PGAP3: variants seen among roughly 807,000 people sequenced by gnomAD.
PGAP3 encodes the protein GPI-specific phospholipase A2-like PGAP3.
In PGAP3, 31 loss-of-function variants were observed where a neutral mutation model predicts 40.3. That is an observed-to-expected ratio of 0.77 (90% CI 0.58 to 1.04). PGAP3 has a LOEUF of 1.04. Among genes scored for constraint, PGAP3 ranks in the 50% least tolerant of loss-of-function variants. The probability of loss-of-function intolerance (pLI) is 0.00; values close to 1 mark genes in which losing one functional copy is unlikely to be tolerated. For missense variants in PGAP3, 413 were observed against 423.0 expected, an observed-to-expected ratio of 0.98 and a Z score of 0.21; for synonymous variants, 191 against 184.5, an observed-to-expected ratio of 1.04 and a Z score of -0.29.
chr17:39,679,813 A>G (rs1008879005), intron 3 of PGAP3, among the ~76,000 whole-genome samples: 5 of 152,078 alleles, frequency 3.3e-5, no homozygotes, highest in Non-Finnish European at 4.4e-5. Context: ...CACAGCTACA[A>G]TGGGGCCAAG....
intron 4 of PGAP3, 55 bp from the exon 5 acceptor site, chr17:39,674,109 C>T (rs367951878): frequency 3.3e-4 from 514 of 1,563,420 alleles, no homozygotes; most frequent in Non-Finnish European, 4.3e-4. Flanking sequence ...GGAGAGGACC[C>T]GCGGGGATGG....
intron 3 of PGAP3, among the ~76,000 whole-genome samples, chr17:39,681,210 C>G (rs1399716201): frequency 6.6e-6 from 1 of 152,152 alleles, no homozygotes; most frequent in Non-Finnish European, 1.5e-5. Flanking sequence ...TCATCCCTTA[C>G]TGCTCTTTCC....
At chr17:39,682,170 G>T (rs2057449165) in intron 3 of PGAP3, among the ~76,000 whole-genome samples, 1 of 140,630 alleles carries the variant, frequency 7.1e-6, no homozygotes, top group South Asian at 2.3e-4. Context: ...AGCTTGCAGT[G>T]GGCCAAGATG....
At chr17:39,687,724 TAA>T (rs2057578519) in intron 1 of PGAP3, 108 bp downstream of exon 1, 1 of 861,648 alleles carries the variant, frequency 1.2e-6, no homozygotes, top group African/African-American at 1.8e-5. Context: ...CTCACATTCA[TAA>T]GAGACCTCGT....
chr17:39,674,601 C>T lies in PGAP3; in HGVS notation c.495+16G>A. The stretch of plus-strand genomic sequence containing the variant: ...GGACCACCCTGTGCAGGAGGGGGAG[C>T]TGGAGGAATGCTCACCTCTGTGAGG... On this transcript the variant is annotated intron_variant, in intron 4 of 7. Transcript: ENST00000300658. 6.5e-7 allele frequency: 1 copy of T among 1,548,806 alleles called. No individual in the cohort carries two copies. Among genetic ancestry groups the T allele is most frequent in the African/African-American group, 1.4e-5 (1 of 73,092 alleles).
Position 39,680,743 on chromosome 17 carries a change from C to G in PGAP3, c.432+3854G>C, listed in dbSNP as rs529883679. Among the ~76,000 whole-genome samples the G allele has an allele frequency of 3.3e-5, 5 of 152,354 alleles. No homozygotes were observed. In the South Asian group the frequency reaches 1.0e-3, roughly 32 times the overall value. On this transcript the variant is annotated intron_variant, in intron 3 of 7. Coordinates refer to ENST00000300658, the MANE Select transcript of PGAP3 (RefSeq NM_033419.5). ...CCTTCTGTCTCTGTGTCTGGCTCAT[C>G]TTCCTTTAGCCAGCCATTACATTTT...
At chr17:39,679,236 T>C (rs1349001266) in intron 3 of PGAP3, among the ~76,000 whole-genome samples, 1 of 152,146 alleles carries the variant, frequency 6.6e-6, no homozygotes, top group East Asian at 1.9e-4. Flanking sequence ...TGAGCCACCA[T>C]GCCCGGCCAT....
intron 7 of PGAP3, 38 bp from the exon 8 acceptor site, chr17:39,672,904 T>C: frequency 6.2e-7 from 1 of 1,606,688 alleles, no homozygotes; most frequent in Non-Finnish European, 8.5e-7. Context: ...GGCACACAGC[T>C]CTGACAGCTC....
chr17:39,674,970 G>GT (rs1383473448), intron 3 of PGAP3, among the ~76,000 whole-genome samples: 2 of 152,174 alleles, frequency 1.3e-5, no homozygotes, highest in Non-Finnish European at 2.9e-5. Context: ...AAGCTCCCTA[G>GT]TTACTCAATT....
chr17:39,685,833 T>G (rs976713927), intron 2 of PGAP3, 89 bp downstream of exon 2: 2 of 1,226,656 alleles, frequency 1.6e-6, no homozygotes, highest in Admixed American at 3.9e-5. Context: ...ACCCCATGCC[T>G]CAGACTGCTT....
chr17:39,683,389 C>A (rs2057466978), intron 3 of PGAP3, among the ~76,000 whole-genome samples: 1 of 152,194 alleles, frequency 6.6e-6, no homozygotes, highest in South Asian at 2.1e-4. Context: ...CCCTGATGGC[C>A]CCATGCTGGT....
intron 3 of PGAP3, among the ~76,000 whole-genome samples, chr17:39,677,608 G>C (rs766336964): frequency 3.3e-5 from 5 of 152,206 alleles, no homozygotes; most frequent in African/African-American, 4.8e-5. Flanking sequence ...CAAGTGAAGG[G>C]GGGCAGGGAG....
intron 4 of PGAP3, 144 bp from the exon 5 acceptor site, chr17:39,674,198 C>A: frequency 1.3e-6 from 1 of 794,618 alleles, no homozygotes; most frequent in Non-Finnish European, 2.1e-6. Flanking sequence ...GTCTTGTGTT[C>A]ACATCACCAT....
intron 1 of PGAP3, 56 bp from the exon 2 acceptor site, chr17:39,686,075 G>A (rs1447035880): frequency 6.7e-7 from 1 of 1,497,872 alleles, no homozygotes; most frequent in Non-Finnish European, 9.2e-7. Context: ...GAAAGAGAGA[G>A]CATGAATGGG....
Position 39,673,497 on chromosome 17 carries a change from G to A in PGAP3, c.694+17C>T, listed in dbSNP as rs772966752. ...GCTAGCACTTCTGCAGATGGCCCAA[G>A]CCCCCCAGGGCCTCACCAATAGCCA... On this transcript the variant is annotated intron_variant, in intron 6 of 7. Transcript: ENST00000300658. 1.2e-6 allele frequency: 2 copies of A among 1,613,878 alleles called. No individual in the cohort carries two copies. Among genetic ancestry groups the A allele is most frequent in the Admixed American group, 3.3e-5 (2 of 59,980 alleles).
intron 2 of PGAP3, 119 bp downstream of exon 2, chr17:39,685,803 G>T (rs1047761398): frequency 3.5e-6 from 3 of 850,368 alleles, no homozygotes; most frequent in African/African-American, 3.4e-5. Context: ...ACAGGTAGCT[G>T]CCCCAAACAC....
At chr17:39,683,183 T>C (rs1361137384) in intron 3 of PGAP3, among the ~76,000 whole-genome samples, 2 of 152,078 alleles carry the variant, frequency 1.3e-5, no homozygotes, top group Non-Finnish European at 2.9e-5. Flanking sequence ...CCACCACCCA[T>C]CAGTCCGCCC....
At chr17:39,679,077 C>T (rs1014640889) in intron 3 of PGAP3, among the ~76,000 whole-genome samples, 2 of 152,168 alleles carry the variant, frequency 1.3e-5, no homozygotes, top group African/African-American at 4.8e-5. Context: ...TCCCGAGTAG[C>T]TGGGATTACA....
chr17:39,673,913 G>C (rs1457186678), intron 5 of PGAP3, 80 bp downstream of exon 5: 1 of 1,501,448 alleles, frequency 6.7e-7, no homozygotes, highest in Non-Finnish European at 9.2e-7. Flanking sequence ...TAGTGAAGAA[G>C]GCCCCCAGGG....
Sources: gnomAD v4.1 joint callset for allele counts (sites outside exome capture counted in the v4.1 genomes callset) on GRCh38, gnomAD v4.1.1 for gene constraint, MANE v1.5 for transcripts, NCBI Gene and HGNC (gene_info 2026-07-23, HGNC 2026-07-21) for gene names.